Variants in DCLRE1C observed in about 807,000 individuals in gnomAD.
DCLRE1C encodes the protein DNA cross-link repair 1C.
DCLRE1C carries 47 observed loss-of-function variants against 61.4 expected under a neutral mutation model. The observed-to-expected ratio is 0.77, with a 90% CI of 0.61 to 0.98. The LOEUF (loss-of-function observed/expected upper bound fraction) is 0.98, where lower values mean the gene tolerates loss of function less well. Among genes scored for constraint, DCLRE1C ranks in the 50% least tolerant of loss-of-function variants. The probability of loss-of-function intolerance (pLI) is 0.00; values close to 1 mark genes in which losing one functional copy is unlikely to be tolerated. For synonymous variants in DCLRE1C, 337 were observed against 287.6 expected, an observed-to-expected ratio of 1.17 and a Z score of -1.74; for missense variants, 858 against 816.0, an observed-to-expected ratio of 1.05 and a Z score of -0.63.
chr10:14,946,819 C>A (rs554549769), intron 2 of DCLRE1C, among the ~76,000 whole-genome samples: 1 of 152,154 alleles, frequency 6.6e-6, no homozygotes, highest in African/African-American at 2.4e-5. Flanking sequence ...GGTCTCCCTA[C>A]GTTGCCCAGG....
Position 14,908,390 on chromosome 10 carries a change from T to C in DCLRE1C, c.*18A>G. On this transcript the variant is annotated 3_prime_UTR_variant, in exon 14 of 14. Transcript: ENST00000378278. ...CAGGTTTTTTAGTGGTTGCTCTAGG[T>C]TGAAACGCTTTGAATTCTTAGGTAT... The C allele has an allele frequency of 6.3e-7, 1 of 1,597,766 alleles. No individual in the cohort carries two copies. The highest frequency in any genetic ancestry group is 1.1e-5 in the South Asian group (1 of 90,754).
downstream of DCLRE1C, chr10:14,899,818 C>T: frequency 1.8e-6 from 2 of 1,099,184 alleles, no homozygotes; most frequent in Non-Finnish European, 2.5e-6. Flanking sequence ...ATAAGGAGGG[C>T]AGCTTCTGTT....
chr10:14,931,729 G>A (rs1239742799), intron 9 of DCLRE1C, among the ~76,000 whole-genome samples: 3 of 152,010 alleles, frequency 2.0e-5, no homozygotes, highest in South Asian at 2.1e-4. Flanking sequence ...TTATAAACAC[G>A]CTCATGTCAT....
At position 14,951,389 on chromosome 10, in the gene DCLRE1C, C is replaced by CAAAAAAAAAAAAA. The variant is rs60272216; in HGVS notation, c.110-2315_110-2303dup. Among the ~76,000 whole-genome samples, 6 of 46,060 alleles carry CAAAAAAAAAAAAA rather than the reference C, an allele frequency of 1.3e-4. 1 individual carries two copies. The highest frequency in any genetic ancestry group is 2.5e-4 in the Non-Finnish European group (6 of 23,952). 30.2% of individuals were successfully genotyped at this position (46,060 alleles called of 152,430 possible). The stretch of plus-strand genomic sequence containing the variant: ...TGGGTGACAGAGCAAAACCCTGTCT[C>CAAAAAAAAAAAAA]AAAAAAAAAAAAAAAAAAAAAAAAA... On this transcript the variant is annotated intron_variant, in intron 1 of 13. Transcript: ENST00000378278.
intron 13 of DCLRE1C, among the ~76,000 whole-genome samples, chr10:14,914,083 A>G (rs1835759246): frequency 6.6e-6 from 1 of 152,228 alleles, no homozygotes; most frequent in Non-Finnish European, 1.5e-5. Flanking sequence ...AAGTGGACTA[A>G]GCACTGCAAT....
intron 8 of DCLRE1C, among the ~76,000 whole-genome samples, chr10:14,933,850 C>A (rs905323998): frequency 1.3e-5 from 2 of 152,162 alleles, no homozygotes; most frequent in African/African-American, 4.8e-5. Flanking sequence ...GCCATTTTGG[C>A]TTCTGTCAAT....
Position 14,909,019 on chromosome 10 carries a change from C to T in DCLRE1C, c.1468G>A (p.Glu490Lys). 1 of 1,614,000 alleles carries T rather than the reference C, an allele frequency of 6.2e-7. No individual in the cohort carries two copies. The highest frequency in any genetic ancestry group is 8.5e-7 in the Non-Finnish European group (1 of 1,179,926). The change falls in exon 14 of 14, where the codon GAA becomes AAA. Residue 490 changes from glutamate (E) to lysine (K), a missense_variant. Physicochemically the swap from Glu to Lys is moderately conservative, Grantham distance 56. Coordinates refer to ENST00000378278, the MANE Select transcript of DCLRE1C (RefSeq NM_001033855.3). The part of the protein sequence containing the change: ...QKADGDVPQW[E>K]VFFKRNDEIT... ...TCATCATTTCTTTTAAAGAATACTT[C>T]CCACTGGGGTACATCCCCATCAGCC...
At position 14,908,658 on chromosome 10, in the gene DCLRE1C, T is replaced by TTATC. The variant is rs1430762218; in HGVS notation, c.1825_1828dup (p.Lys610ArgfsTer2). ...AGTACTAGGAACTATTGTCACATCT[T>TTATC]TATCTCTGCTTTTCAAATCAGAGTA... On this transcript the variant is annotated stop_gained and frameshift_variant, in exon 14 of 14. Transcript: ENST00000378278. LOFTEE classifies it low-confidence loss of function (END_TRUNC). The TTATC allele has an allele frequency of 6.2e-7, 1 of 1,614,198 alleles. No individual in the cohort carries two copies. Among genetic ancestry groups the TTATC allele is most frequent in the Non-Finnish European group, 8.5e-7 (1 of 1,180,022 alleles).
chr10:14,921,597 C>G (rs924752113), intron 12 of DCLRE1C, among the ~76,000 whole-genome samples: 2 of 152,188 alleles, frequency 1.3e-5, no homozygotes, highest in African/African-American at 2.4e-5. Context: ...ATTGCTCTCA[C>G]TGAGCACACA....
In DCLRE1C at chr10:14,939,870, C is replaced by T; in HGVS notation, c.247-1G>A. The T allele has an allele frequency of 1.9e-6, 3 of 1,589,448 alleles. No homozygotes were observed. Among genetic ancestry groups the T allele is most frequent in the Non-Finnish European group, 2.6e-6 (3 of 1,160,172 alleles). Reference sequence around the variant, plus strand: ...TAGGAGTCTCGATTTCAATAGATATCTATAAAAATAAAATAAGAGACCATG... The same window carrying T: ...TAGGAGTCTCGATTTCAATAGATATTTATAAAAATAAAATAAGAGACCATG... On this transcript the variant is annotated splice_acceptor_variant, in intron 3 of 13. Coordinates refer to ENST00000378278, the MANE Select transcript of DCLRE1C (RefSeq NM_001033855.3). LOFTEE classifies it high-confidence loss of function.
At chr10:14,914,745 C>T (rs769667671) in intron 13 of DCLRE1C, among the ~76,000 whole-genome samples, 25 of 152,128 alleles carry the variant, frequency 1.6e-4, no homozygotes, top group Non-Finnish European at 1.2e-4. Context: ...TTGAGACCAG[C>T]CTGGCCAACA....
intron 4 of DCLRE1C, among the ~76,000 whole-genome samples, chr10:14,937,057 A>G (rs766538933): frequency 6.6e-6 from 1 of 152,202 alleles, no homozygotes; most frequent in Non-Finnish European, 1.5e-5. Context: ...AAATGAACAC[A>G]TGTTGTATGA....
Position 14,908,783 on chromosome 10 carries a change from C to G in DCLRE1C, c.1704G>C (p.Gly568=). ...CAGCTTTGTCCAAGGAAGTAATATC[C>G]CCACTGTTTCTCTCTTGGGAAGATA... ...VLLSSQERNS[G]DITSLDKADY... is the part of the protein sequence containing the mutation. Residue 568 remains glycine, a synonymous_variant, in exon 14 of 14, where the codon GGG becomes GGC. Coordinates refer to ENST00000378278, the MANE Select transcript of DCLRE1C (RefSeq NM_001033855.3). The G allele has an allele frequency of 1.2e-6, 2 of 1,614,136 alleles. No homozygotes were observed. Among genetic ancestry groups the G allele is most frequent in the Non-Finnish European group, 1.7e-6 (2 of 1,180,022 alleles).
chr10:14,912,019 T>TCCTTGGA (rs1441307050), intron 13 of DCLRE1C, among the ~76,000 whole-genome samples: 2 of 152,232 alleles, frequency 1.3e-5, no homozygotes, highest in Non-Finnish European at 2.9e-5. Context: ...GTTTGGCAGT[T>TCCTTGGA]CCTTGGAGTG....
At chr10:14,948,276 G>A (rs12265982) in intron 2 of DCLRE1C, among the ~76,000 whole-genome samples, 4,265 of 152,034 alleles carry the variant, frequency 0.028, 222 homozygotes, top group African/African-American at 0.096. Flanking sequence ...TTCAATAAAC[G>A]TTAGCTATCA....
In DCLRE1C at chr10:14,908,807, T is replaced by C. The variant is rs1248801770; in HGVS notation, c.1680A>G (p.Leu560=). The change falls in exon 14 of 14, where the codon TTA becomes TTG. Residue 560 remains leucine (L), a synonymous_variant. Transcript: ENST00000378278. ...GWDSQSDTVL[L]SSQERNSGDI... ...CCCCACTGTTTCTCTCTTGGGAAGATAACAAAACAGTATCAGATTGGCTGT... is the reference window on the plus strand; with the variant it reads ...CCCCACTGTTTCTCTCTTGGGAAGACAACAAAACAGTATCAGATTGGCTGT... 4 of 1,614,224 alleles carry C rather than the reference T, an allele frequency of 2.5e-6. No individual in the cohort carries two copies. The highest frequency in any genetic ancestry group is 3.4e-6 in the Non-Finnish European group (4 of 1,180,028).
intron 11 of DCLRE1C, among the ~76,000 whole-genome samples, chr10:14,925,556 A>T (rs1220970852): frequency 1.3e-5 from 2 of 152,222 alleles, no homozygotes; most frequent in Non-Finnish European, 2.9e-5. Context: ...CAATTAATAC[A>T]TAACCTTGTT....
intron 9 of DCLRE1C, among the ~76,000 whole-genome samples, chr10:14,929,426 A>T (rs879318840): frequency 1.2e-3 from 168 of 137,118 alleles, no homozygotes; most frequent in Admixed American, 7.5e-3. Flanking sequence ...TTTTTTAATT[A>T]AAAAAAAAAA....
chr10:14,948,802 A>C (rs965149000), intron 2 of DCLRE1C, among the ~76,000 whole-genome samples: 41 of 151,562 alleles, frequency 2.7e-4, no homozygotes, highest in African/African-American at 9.0e-4. Context: ...CAAGTTCACA[A>C]ACAGCCAAAG....
Sources: gnomAD v4.1 joint callset for allele counts (sites outside exome capture counted in the v4.1 genomes callset) on GRCh38, gnomAD v4.1.1 for gene constraint, MANE v1.5 for transcripts, NCBI Gene and HGNC (gene_info 2026-07-23, HGNC 2026-07-21) for gene names.